The following NKAIN3 variants were observed in gnomAD, a reference collection of about 807,000 sequenced individuals.
NKAIN3 encodes the protein sodium/potassium-transporting ATPase subunit beta-1-interacting protein 3.
Under a neutral mutation model 30.2 loss-of-function variants are expected in NKAIN3, and 25 were observed. That is an observed-to-expected ratio of 0.83 (90% CI 0.60 to 1.16). The LOEUF is 1.16. Ranked by LOEUF, NKAIN3 falls within the 50% of genes most tolerant of loss-of-function variation. The pLI is 0.00. For missense variants in NKAIN3, 225 were observed against 254.1 expected (o/e 0.89, Z 0.78); for synonymous variants, 91 against 89.6 (o/e 1.02, Z -0.09).
At chr8:62,826,768 A>C (rs1819038405) in intron 4 of NKAIN3, among the ~76,000 whole-genome samples, 1 of 152,222 alleles carries the variant, frequency 6.6e-6, no homozygotes, top group Non-Finnish European at 1.5e-5. Flanking sequence ...ATTTATTGGA[A>C]ATACAATGCT....
chr8:62,698,623 C>T (rs1814237836), intron 3 of NKAIN3, among the ~76,000 whole-genome samples: 1 of 152,174 alleles, frequency 6.6e-6, no homozygotes, highest in South Asian at 2.1e-4. Flanking sequence ...CTACTGTGTA[C>T]AACCAAGTGT....
intron 1 of NKAIN3, among the ~76,000 whole-genome samples, chr8:62,250,044 T>C (rs1022020089): frequency 7.2e-5 from 11 of 152,214 alleles, no homozygotes; most frequent in Non-Finnish European, 8.8e-5. Context: ...AGATTCTGAG[T>C]GCTCTGCCAA....
chr8:62,391,485 A>G (rs1201185391), intron 1 of NKAIN3, among the ~76,000 whole-genome samples: 1 of 152,100 alleles, frequency 6.6e-6, no homozygotes, highest in African/African-American at 2.4e-5. Flanking sequence ...AGAAAAATAG[A>G]TAAAAGATGA....
At chr8:62,660,214 C>T (rs930455397) in intron 3 of NKAIN3, among the ~76,000 whole-genome samples, 3 of 152,096 alleles carry the variant, frequency 2.0e-5, no homozygotes, top group African/African-American at 7.2e-5. Flanking sequence ...CCAGCACTAA[C>T]GATGAGTGAC....
chr8:62,675,259 GTCAAT>G (rs1294122182), intron 3 of NKAIN3, among the ~76,000 whole-genome samples: 1 of 152,086 alleles, frequency 6.6e-6, no homozygotes, highest in East Asian at 1.9e-4. Flanking sequence ...TTTATCCTGT[GTCAAT>G]TCAATTACAT....
chr8:62,716,127 A>G (rs1034358780), intron 3 of NKAIN3, among the ~76,000 whole-genome samples: 2 of 104,446 alleles, frequency 1.9e-5, no homozygotes, highest in Non-Finnish European at 4.2e-5. Flanking sequence ...CTCCTTTTCT[A>G]CTTCCATGGT....
intron 3 of NKAIN3, among the ~76,000 whole-genome samples, chr8:62,661,400 G>A (rs535009800): frequency 7.9e-5 from 12 of 152,186 alleles, no homozygotes; most frequent in Non-Finnish European, 1.5e-4. Flanking sequence ...TTAACACACT[G>A]GGTTCATAAA....
At chr8:62,731,146 G>C (rs1009297401) in intron 3 of NKAIN3, among the ~76,000 whole-genome samples, 1 of 151,434 alleles carries the variant, frequency 6.6e-6, no homozygotes, top group Non-Finnish European at 1.5e-5. Flanking sequence ...TTTTAGTGAG[G>C]AATGGTATCA....
chr8:62,957,279 G>GC (rs570317561), intron 6 of NKAIN3, among the ~76,000 whole-genome samples: 1 of 151,978 alleles, frequency 6.6e-6, no homozygotes, highest in Non-Finnish European at 1.5e-5. Context: ...GACTATAGGC[G>GC]CCCGCCACCA....
intron 3 of NKAIN3, among the ~76,000 whole-genome samples, chr8:62,662,654 A>G (rs574404812): frequency 6.6e-6 from 1 of 152,212 alleles, no homozygotes; most frequent in African/African-American, 2.4e-5. Context: ...TTCTACCTTT[A>G]TAGCACATAC....
intron 3 of NKAIN3, among the ~76,000 whole-genome samples, chr8:62,671,219 G>A (rs796325200): frequency 5.3e-5 from 8 of 152,068 alleles, no homozygotes; most frequent in African/African-American, 1.9e-4. Context: ...TTCCCTTGAT[G>A]ATTTGAGATT....
chr8:62,248,944 C>T lies in NKAIN3; in HGVS notation c.-130C>T. The T allele has an allele frequency of 2.5e-6, 2 of 790,228 alleles. No individual in the cohort carries two copies. The highest frequency in any genetic ancestry group is 1.9e-6 in the Non-Finnish European group (1 of 526,288). The allele number at this position is 790,228 out of a possible 1,614,324, so 49.0% of individuals were successfully genotyped here. ...CGGGCGCGAGCCCCGAGCCCTGGAG[C>T]CGCGAGCGGCGGCCGCGGGGCCGAG... is the stretch of plus-strand genomic sequence containing the variant. On this transcript the variant is annotated 5_prime_UTR_variant, in exon 1 of 7. Transcript: ENST00000623646.
chr8:62,835,396 G>A (rs943420665), intron 4 of NKAIN3, among the ~76,000 whole-genome samples: 3 of 152,142 alleles, frequency 2.0e-5, no homozygotes, highest in South Asian at 2.1e-4. Context: ...CCTACAGAGC[G>A]GGAGAAAATA....
chr8:62,964,782 C>T (rs151264741), intron 6 of NKAIN3, among the ~76,000 whole-genome samples: 124 of 151,566 alleles, frequency 8.2e-4, no homozygotes, highest in Non-Finnish European at 1.6e-3. Context: ...TACTGATTTA[C>T]GTGTTAATCA....
chr8:62,347,978 A>G (rs1816055820), intron 1 of NKAIN3, among the ~76,000 whole-genome samples: 1 of 152,142 alleles, frequency 6.6e-6, no homozygotes, highest in South Asian at 2.1e-4. Context: ...TCAGGCCTTA[A>G]ATGAACTTGA....
rs568845495 is a variant in NKAIN3, at chr8:62,904,350, G to T, written c.472-14103G>T. On this transcript the variant is annotated intron_variant, in intron 4 of 6. Coordinates refer to ENST00000623646, the MANE Select transcript of NKAIN3 (RefSeq NM_001304533.3). ...CATTTTTGATATCTTTCAAGTGTTT[G>T]GTTTCATGTAAAATCAACCAAAGTT... Among the ~76,000 whole-genome samples the T allele has an allele frequency of 5.9e-5, 9 of 152,216 alleles. No homozygotes were observed. The East Asian group carries it at 1.3e-3, about 23-fold the overall frequency.
intron 1 of NKAIN3, among the ~76,000 whole-genome samples, chr8:62,249,422 G>A (rs1386147140): frequency 6.6e-6 from 1 of 152,238 alleles, no homozygotes; most frequent in East Asian, 1.9e-4. Context: ...AGGAGCCGGC[G>A]GAGTGAGGGA....
intron 3 of NKAIN3, among the ~76,000 whole-genome samples, chr8:62,702,216 A>T (rs1001732188): frequency 6.6e-6 from 1 of 152,204 alleles, no homozygotes; most frequent in Non-Finnish European, 1.5e-5. Context: ...GCATATGCTC[A>T]TTCGAAGAAT....
chr8:62,317,895 C>G (rs1332897782), intron 1 of NKAIN3, among the ~76,000 whole-genome samples: 1 of 152,180 alleles, frequency 6.6e-6, no homozygotes, highest in Non-Finnish European at 1.5e-5. Flanking sequence ...GATATTGATT[C>G]TTCCTACCCA....
Sources: allele counts gnomAD v4.1 joint callset (sites outside exome capture counted in the v4.1 genomes callset), GRCh38; gene constraint gnomAD v4.1.1; transcripts MANE v1.5; gene names NCBI Gene and HGNC (gene_info 2026-07-23, HGNC 2026-07-21).